The following FAM161A variants were observed in gnomAD, a reference collection of about 807,000 sequenced individuals.
The protein encoded by FAM161A is protein FAM161A.
A neutral mutation model predicts 70.9 loss-of-function variants in FAM161A; 57 were observed. That is an observed-to-expected ratio of 0.80 (90% CI 0.65 to 1.00). FAM161A has a LOEUF of 1.00. Ranked by LOEUF, FAM161A falls within the 50% of genes least tolerant of loss-of-function variation. The probability of loss-of-function intolerance (pLI) is 0.00; values close to 1 mark genes in which losing one functional copy is unlikely to be tolerated. For missense variants in FAM161A, 880 were observed against 836.0 expected, an observed-to-expected ratio of 1.05 and a Z score of -0.65; for synonymous variants, 299 against 295.7, an observed-to-expected ratio of 1.01 and a Z score of -0.12.
chr2:61,835,693 C>A (rs1380681092), intron 5 of FAM161A: 2 of 221,938 alleles, frequency 9.0e-6, no homozygotes, highest in Non-Finnish European at 1.8e-5. Flanking sequence ...CAAAAAGATT[C>A]AATGTTCAGA....
At chr2:61,848,800 G>T (rs1673321867) in intron 1 of FAM161A, among the ~76,000 whole-genome samples, 1 of 79,920 alleles carries the variant, frequency 1.3e-5, no homozygotes, top group African/African-American at 4.5e-5. Flanking sequence ...CCCTCTCTCT[G>T]TCTATATATA....
intron 1 of FAM161A, among the ~76,000 whole-genome samples, chr2:61,844,752 C>T (rs1050669902): frequency 6.6e-6 from 1 of 152,058 alleles, no homozygotes; most frequent in African/African-American, 2.4e-5. Flanking sequence ...TTCCAGCTAG[C>T]TTAGGAAAGG....
intron 1 of FAM161A, among the ~76,000 whole-genome samples, chr2:61,849,346 A>C (rs1446074160): frequency 6.6e-6 from 1 of 150,814 alleles, no homozygotes; most frequent in East Asian, 1.9e-4. Context: ...TGATATTTTA[A>C]GAGAAGAATG....
the FAM161A span, among the ~76,000 whole-genome samples, chr2:61,819,047 C>T: frequency 8.0e-3 from 1,223 of 152,274 alleles, 10 homozygotes; most frequent in Middle Eastern, 0.041. Flanking sequence ...AATGTTTAAC[C>T]AGAATCCAAT....
At chr2:61,803,831 A>G in the FAM161A span, among the ~76,000 whole-genome samples, 1 of 152,050 alleles carries the variant, frequency 6.6e-6, no homozygotes, top group Non-Finnish European at 1.5e-5. Flanking sequence ...AAATAAATAA[A>G]TAAAAAGAGG....
At chr2:61,840,688 T>TC in intron 2 of FAM161A, 107 bp from the exon 3 acceptor site, 2 of 869,010 alleles carry the variant, frequency 2.3e-6, no homozygotes, top group Non-Finnish European at 3.6e-6. Context: ...TCTCACTCTG[T>TC]TGCCCAGGTT....
At chr2:61,811,607 A>G in the FAM161A span, among the ~76,000 whole-genome samples, 1 of 152,130 alleles carries the variant, frequency 6.6e-6, no homozygotes, top group Admixed American at 6.6e-5. Context: ...TCCTGACCTC[A>G]AGTGATCTGC....
In FAM161A at chr2:61,836,021, T is replaced by C. The variant is rs1346951972; in HGVS notation, c.1840A>G (p.Arg614Gly). 1.1e-5 allele frequency: 17 copies of C among 1,608,388 alleles called. No homozygotes were observed. Among genetic ancestry groups the C allele is most frequent in the Non-Finnish European group, 1.4e-5 (17 of 1,176,768 alleles). Residue 614 changes from arginine to glycine, a missense_variant, in exon 5 of 7, where the codon AGA becomes GGA. By Grantham distance (125) the Arg-to-Gly change is moderately radical (BLOSUM62 -2). Coordinates refer to ENST00000404929, the MANE Select transcript of FAM161A (RefSeq NM_001201543.2). ...KLKKRPLLFE[R>G]VAQKNARMAA... ...CCAATAAACACAACCTGAGCAACTCTTTCAAATAGCAGTGGCCTCTTTTTT... is the reference window on the plus strand; with the variant it reads ...CCAATAAACACAACCTGAGCAACTCCTTCAAATAGCAGTGGCCTCTTTTTT...
Position 61,826,599 on chromosome 2 carries a change from G to A in FAM161A, c.2007C>T (p.Ser669=). The part of the protein sequence containing the change: ...ETKSVTEDKE[S]FNEEEKIEER... ...CTTCTATTTTTTCTTCTTCATTAAA[G>A]CTAGGGGAAGAAATTTATCAATCTT... The change falls in exon 7 of 7, where the codon AGC becomes AGT. Residue 669 remains serine (S), a splice_region_variant and synonymous_variant. Coordinates refer to ENST00000404929, the MANE Select transcript of FAM161A (RefSeq NM_001201543.2). 1 of 1,599,860 alleles carries A rather than the reference G, an allele frequency of 6.3e-7. No individual in the cohort carries two copies. The highest frequency in any genetic ancestry group is 8.5e-7 in the Non-Finnish European group (1 of 1,170,136).
downstream of FAM161A, among the ~76,000 whole-genome samples, chr2:61,823,694 CGT>C (rs981175138): frequency 1.1e-4 from 16 of 152,016 alleles, no homozygotes; most frequent in Admixed American, 3.9e-4. Context: ...TACATATATA[CGT>C]GTGTGTTTGT....
intron 1 of FAM161A, among the ~76,000 whole-genome samples, chr2:61,848,098 G>A (rs893641446): frequency 1.3e-5 from 2 of 152,076 alleles, no homozygotes; most frequent in Admixed American, 6.6e-5. Flanking sequence ...GAATCTATGC[G>A]CTCTCATTCA....
At position 61,842,309 on chromosome 2, in the gene FAM161A, A is replaced by T; in HGVS notation, c.235T>A (p.Tyr79Asn). 6.3e-7 allele frequency: 1 copy of T among 1,599,216 alleles called. No individual in the cohort carries two copies. The highest frequency in any genetic ancestry group is 8.5e-7 in the Non-Finnish European group (1 of 1,171,728). ...TCAGGAAAGTTCACAAAGTCCTCAT[A>T]GCTTATCGGTGCATGTTCATCCACC... The part of the protein sequence containing the change: ...SGVDEHAPIS[Y>N]EDFVNFPDIH... The change falls in exon 2 of 7, where the codon TAT becomes AAT. Residue 79 changes from tyrosine to asparagine, a missense_variant. Transcript: ENST00000404929.
At chr2:61,814,104 C>T in the FAM161A span, among the ~76,000 whole-genome samples, 884 of 152,212 alleles carry the variant, frequency 5.8e-3, 7 homozygotes, top group African/African-American at 0.02. Flanking sequence ...AGTCAGGGGG[C>T]AAAGGGGAGC....
chr2:61,830,142 C>T (rs1672514078), intron 5 of FAM161A, among the ~76,000 whole-genome samples: 1 of 152,078 alleles, frequency 6.6e-6, no homozygotes, highest in South Asian at 2.1e-4. Flanking sequence ...ATTGTCTACC[C>T]AGGGTTAACA....
At chr2:61,843,235 C>G (rs111360188) in intron 1 of FAM161A, among the ~76,000 whole-genome samples, 2,200 of 152,284 alleles carry the variant, frequency 0.014, 54 homozygotes, top group African/African-American at 0.05. Context: ...CCTCTGCCTT[C>G]TCCTGCCTCA....
intron 4 of FAM161A, among the ~76,000 whole-genome samples, chr2:61,837,534 C>T (rs750253147): frequency 2.0e-5 from 3 of 152,106 alleles, no homozygotes; most frequent in South Asian, 2.1e-4. Context: ...TTTGGGAGGC[C>T]AAGGTAGGCA....
chr2:61,815,304 C>A, the FAM161A span, among the ~76,000 whole-genome samples: 3 of 152,076 alleles, frequency 2.0e-5, no homozygotes, highest in Non-Finnish European at 4.4e-5. Flanking sequence ...AGGTAGAAAA[C>A]CTTTGTCCAA....
intron 5 of FAM161A, 59 bp from the exon 6 acceptor site, chr2:61,827,317 A>T (rs1672405716): frequency 1.3e-6 from 2 of 1,580,992 alleles, no homozygotes; most frequent in Non-Finnish European, 1.7e-6. Flanking sequence ...TTCATCAAAA[A>T]TGTATAGATT....
At chr2:61,829,709 T>C (rs1672499747) in intron 5 of FAM161A, among the ~76,000 whole-genome samples, 1 of 152,234 alleles carries the variant, frequency 6.6e-6, no homozygotes, top group Admixed American at 6.5e-5. Flanking sequence ...TCAAAATTTG[T>C]GCCAGTAAGC....
Sources: allele counts gnomAD v4.1 joint callset (sites outside exome capture counted in the v4.1 genomes callset), GRCh38; gene constraint gnomAD v4.1.1; transcripts MANE v1.5; gene names NCBI Gene and HGNC (gene_info 2026-07-23, HGNC 2026-07-21).